The following NSUN6 variants were observed in gnomAD, a reference collection of about 807,000 sequenced individuals.
The protein encoded by NSUN6 is tRNA (cytosine(72)-C(5))-methyltransferase NSUN6.
A neutral mutation model predicts 58.0 loss-of-function variants in NSUN6; 64 were observed. The observed-to-expected ratio is 1.10, with a 90% CI of 0.90 to 1.36. The LOEUF is 1.36. Ranked by LOEUF, NSUN6 falls within the 40% of genes most tolerant of loss-of-function variation. The pLI, the probability that NSUN6 is intolerant of heterozygous loss-of-function variation, is 0.00. For missense variants in NSUN6, 701 were observed against 550.1 expected (o/e 1.27, Z -2.74); for synonymous variants, 231 against 193.9 (o/e 1.19, Z -1.59).
In NSUN6 at chr10:18,599,100, C is replaced by T. The variant is rs114625541; in HGVS notation, c.658-2773G>A. Among the ~76,000 whole-genome samples the T allele has an allele frequency of 5.0e-3, 760 of 152,258 alleles. 6 individuals are homozygous for T. Among genetic ancestry groups the T allele is most frequent in the African/African-American group, 0.017 (721 of 41,554 alleles). On this transcript the variant is annotated intron_variant, in intron 6 of 10. Transcript: ENST00000377304. ...TCACACAGGCTGCAGTGCAGTGGTGCAATCAAAGCTCACTGCCACCTTGAA... is the reference window on the plus strand; with the variant it reads ...TCACACAGGCTGCAGTGCAGTGGTGTAATCAAAGCTCACTGCCACCTTGAA...
At chr10:18,589,007 A>G (rs973048459) in intron 7 of NSUN6, among the ~76,000 whole-genome samples, 2 of 152,186 alleles carry the variant, frequency 1.3e-5, no homozygotes, top group Admixed American at 1.3e-4. Flanking sequence ...AATGCAAGGA[A>G]GCTAAGAACC....
At chr10:18,575,754 T>A (rs886362893) in intron 8 of NSUN6, among the ~76,000 whole-genome samples, 10 of 152,130 alleles carry the variant, frequency 6.6e-5, no homozygotes, top group Non-Finnish European at 1.3e-4. Context: ...TTTCTCCTTA[T>A]GAGATGCTCT....
intron 3 of NSUN6, among the ~76,000 whole-genome samples, chr10:18,625,876 G>A (rs913512363): frequency 6.6e-6 from 1 of 151,896 alleles, no homozygotes; most frequent in Non-Finnish European, 1.5e-5. Context: ...AAAGTTTTTG[G>A]TGGGCCTTAG....
chr10:18,636,827 TACAATGAACCAAGGTCACTTCACTGCA>T (rs966332762), intron 3 of NSUN6, among the ~76,000 whole-genome samples: 7 of 151,436 alleles, frequency 4.6e-5, no homozygotes, highest in African/African-American at 1.5e-4. Flanking sequence ...AGGCGGAGCT[TACAATGAACCAAGGTCACTTCACTGCA>T]CTCCAGCCTG....
upstream of NSUN6, among the ~76,000 whole-genome samples, chr10:18,654,325 C>A (rs2059755130): frequency 6.6e-6 from 1 of 152,148 alleles, no homozygotes; most frequent in Admixed American, 6.5e-5. Flanking sequence ...CTTTTTATTT[C>A]TTCTATGACA....
rs145181460 is a variant in NSUN6, at chr10:18,584,852, T to C, written c.922+1097A>G. Reference sequence around the variant, plus strand: ...GCAGTTGATTGTTAATTAGGAACAATGGAGCCCCAAAGATGGTAACATGAC... The same window carrying C: ...GCAGTTGATTGTTAATTAGGAACAACGGAGCCCCAAAGATGGTAACATGAC... On this transcript the variant is annotated intron_variant, in intron 8 of 10. Transcript: ENST00000377304. Among the ~76,000 whole-genome samples the C allele has an allele frequency of 2.3e-3, 347 of 151,142 alleles. 3 individuals carry two copies. Among genetic ancestry groups the C allele is most frequent in the African/African-American group, 8.1e-3 (334 of 41,196 alleles).
At chr10:18,612,483 G>T (rs372301690) in intron 5 of NSUN6, among the ~76,000 whole-genome samples, 38 of 152,236 alleles carry the variant, frequency 2.5e-4, no homozygotes, top group African/African-American at 8.4e-4. Context: ...TCAATACCCA[G>T]AATCTACAAC....
chr10:18,581,290 G>T (rs1416204103), intron 8 of NSUN6, among the ~76,000 whole-genome samples: 1 of 152,098 alleles, frequency 6.6e-6, no homozygotes, highest in Non-Finnish European at 1.5e-5. Context: ...ATCAGTACAA[G>T]ATACAGGTCA....
rs537747819 is a variant in NSUN6, at chr10:18,644,040, C to T, written c.232-1485G>A. On this transcript the variant is annotated intron_variant, in intron 2 of 10. Coordinates refer to ENST00000377304, the MANE Select transcript of NSUN6 (RefSeq NM_182543.5). ...AGCCTTATTGAGATAATTTACATACCATAAATTTCACCCATTTTAAACGTA... is the reference window on the plus strand; with the variant it reads ...AGCCTTATTGAGATAATTTACATACTATAAATTTCACCCATTTTAAACGTA... Among the ~76,000 whole-genome samples the T allele has an allele frequency of 8.0e-4, 122 of 152,214 alleles. 2 individuals carry two copies. The South Asian group carries it at 0.025, about 31-fold the overall frequency.
chr10:18,548,025 T>C (rs2054387308), intron 10 of NSUN6, 87 bp downstream of exon 10: 2 of 1,302,310 alleles, frequency 1.5e-6, no homozygotes, highest in Admixed American at 2.2e-5. Context: ...AAGTTTTACT[T>C]ATCTCTTCGT....
intron 6 of NSUN6, among the ~76,000 whole-genome samples, chr10:18,598,554 C>G (rs1264549170): frequency 6.6e-6 from 1 of 152,190 alleles, no homozygotes; most frequent in Non-Finnish European, 1.5e-5. Context: ...TCACTGAAGC[C>G]TCAACCACCT....
At chr10:18,569,157 CATTCCATTCTCT>C (rs1355564434) in intron 8 of NSUN6, among the ~76,000 whole-genome samples, 5 of 150,826 alleles carry the variant, frequency 3.3e-5, no homozygotes, top group Non-Finnish European at 7.4e-5. Flanking sequence ...CTGCATTCTC[CATTCCATTCTCT>C]ATTCCATTCC....
At chr10:18,564,644 CCA>C (rs2055784967) in intron 8 of NSUN6, among the ~76,000 whole-genome samples, 1 of 151,190 alleles carries the variant, frequency 6.6e-6, no homozygotes, top group Non-Finnish European at 1.5e-5. Flanking sequence ...CCATTCCATT[CCA>C]CACTGCATTC....
At chr10:18,656,816 C>CTTTTTTTTTTTTTTTTTTTTTTTTTT (rs59363607), upstream of NSUN6, among the ~76,000 whole-genome samples, 1 of 86,602 alleles carries the variant, frequency 1.2e-5, no homozygotes. Flanking sequence ...AGTTACAATC[C>CTTTTTTTTTTTTTTTTTTTTTTTTTT]TTTTTTTTTT....
intron 7 of NSUN6, among the ~76,000 whole-genome samples, chr10:18,590,454 T>C (rs535305169): frequency 9.2e-5 from 14 of 152,306 alleles, no homozygotes; most frequent in African/African-American, 3.4e-4. Flanking sequence ...AGAATATACA[T>C]TATTCTCAGT....
chr10:18,600,941 A>T (rs5783612), intron 6 of NSUN6, among the ~76,000 whole-genome samples: 924 of 43,372 alleles, frequency 0.021, 25 homozygotes, highest in Middle Eastern at 0.088. Context: ...AAAAAAAAAA[A>T]ATATATATAT....
intron 8 of NSUN6, among the ~76,000 whole-genome samples, chr10:18,553,652 T>C (rs1002562349): frequency 2.7e-5 from 4 of 150,204 alleles, no homozygotes; most frequent in African/African-American, 9.8e-5. Context: ...TGGAATGGAA[T>C]GGAGAATGGA....
chr10:18,645,380 T>C (rs2059517330), intron 2 of NSUN6, among the ~76,000 whole-genome samples: 1 of 152,180 alleles, frequency 6.6e-6, no homozygotes, highest in South Asian at 2.1e-4. Flanking sequence ...ACAAGGTGAA[T>C]ATGAAACATA....
intron 7 of NSUN6, among the ~76,000 whole-genome samples, chr10:18,586,628 G>A (rs965604671): frequency 3.3e-5 from 5 of 150,846 alleles, no homozygotes; most frequent in Non-Finnish European, 5.9e-5. Context: ...TCGTGGTCTC[G>A]CTGACTTCAG....
Sources: allele counts gnomAD v4.1 joint callset (sites outside exome capture counted in the v4.1 genomes callset), GRCh38; gene constraint gnomAD v4.1.1; transcripts MANE v1.5; gene names NCBI Gene and HGNC (gene_info 2026-07-23, HGNC 2026-07-21).